Variants in MUC4 observed in about 807,000 individuals in gnomAD.
The protein encoded by MUC4 is mucin 4, cell surface associated.
MUC4 carries 202 observed loss-of-function variants against 257.9 expected under a neutral mutation model. The observed-to-expected ratio is 0.78, with a 90% CI of 0.70 to 0.88. The LOEUF is 0.88. MUC4 is among the 40% of genes least tolerant of loss of function. MUC4 has a pLI of 0.00. For synonymous variants in MUC4, 2,351 were observed against 2,757.1 expected (o/e 0.85, Z 4.62); for missense variants, 5,976 against 6,513.7 (o/e 0.92, Z 2.84).
chr3:195,763,705 C>G, intron 11 of MUC4, 64 bp from the exon 12 acceptor site: 1 of 1,399,334 alleles, frequency 7.1e-7, no homozygotes, highest in East Asian at 2.6e-5. Flanking sequence ...AGGTTCCTCA[C>G]TGCAGTCAGG....
At chr3:195,803,094 T>C (rs1296009703) in intron 1 of MUC4, among the ~76,000 whole-genome samples, 2 of 152,146 alleles carry the variant, frequency 1.3e-5, no homozygotes, top group Non-Finnish European at 2.9e-5. Flanking sequence ...GATCGAATTA[T>C]ATGTCTTCCT....
rs577495599 is a variant in MUC4, at chr3:195,784,944, G to A, written c.6636C>T (p.Thr2212=). The A allele has an allele frequency of 5.6e-4, 664 of 1,194,762 alleles. 18 individuals are homozygous for A. The African/African-American group carries it at 0.01, about 18-fold the overall frequency. 74.0% of individuals were successfully genotyped at this position (1,194,762 alleles called of 1,614,324 possible). The part of the protein sequence containing the change: ...STGQATPLPV[T]SPSSASTGHA... Reference sequence around the variant, plus strand: ...GACCTGTGGATGCTGAGGAAGGGCTGGTGACAGGAAGAGGGGTGGCCTGAC... The same window carrying A: ...GACCTGTGGATGCTGAGGAAGGGCTAGTGACAGGAAGAGGGGTGGCCTGAC... The change falls in exon 2 of 25, where the codon ACC becomes ACT. Residue 2212 remains threonine (T), a synonymous_variant. Transcript: ENST00000463781.
chr3:195,808,887 A>G (rs192383233), intron 1 of MUC4, among the ~76,000 whole-genome samples: 2 of 152,230 alleles, frequency 1.3e-5, no homozygotes, highest in East Asian at 3.9e-4. Flanking sequence ...AGACTGACAG[A>G]TAGACCGGGG....
At chr3:195,805,536 A>C (rs1482959064) in intron 1 of MUC4, among the ~76,000 whole-genome samples, 2 of 152,004 alleles carry the variant, frequency 1.3e-5, no homozygotes, top group South Asian at 4.1e-4. Context: ...GCCTCTCCAC[A>C]GTGGTTAGCC....
chr3:195,789,583 GTGGTGACTGTCT>G lies in MUC4; in HGVS notation c.1985_1996del (p.Lys662_Thr665del). On this transcript the variant is annotated inframe_deletion, in exon 2 of 25. Transcript: ENST00000463781. ...ACTGGCTGTGAAGGAAGAACCTGGGGTGGTGACTGTCTTGGTGTCAGTCATGGGGGAGACGGA... is the reference window on the plus strand; with the variant it reads ...ACTGGCTGTGAAGGAAGAACCTGGGGTGGTGTCAGTCATGGGGGAGACGGA... The G allele has an allele frequency of 6.2e-7, 1 of 1,613,970 alleles. No individual in the cohort carries two copies. Among genetic ancestry groups the G allele is most frequent in the South Asian group, 1.1e-5 (1 of 91,076 alleles).
intron 7 of MUC4, among the ~76,000 whole-genome samples, chr3:195,767,132 C>A (rs910757337): frequency 6.6e-6 from 1 of 152,024 alleles, no homozygotes. Context: ...TGGTTAAGAC[C>A]CAGTTTCTGG....
chr3:195,760,685 G>A (rs889503232), intron 16 of MUC4, among the ~76,000 whole-genome samples, 199 bp downstream of exon 16: 2 of 152,216 alleles, frequency 1.3e-5, no homozygotes, highest in Non-Finnish European at 2.9e-5. Flanking sequence ...AGAGCTCTGA[G>A]AAGCTGAACT....
intron 13 of MUC4, 72 bp downstream of exon 13, chr3:195,762,782 AC>A: frequency 7.2e-7 from 1 of 1,387,634 alleles, no homozygotes; most frequent in Non-Finnish European, 9.8e-7. Flanking sequence ...CCGGCCCTGC[AC>A]CGCAACGCGG....
intron 1 of MUC4, among the ~76,000 whole-genome samples, chr3:195,796,123 T>A (rs1734550967): frequency 6.6e-6 from 1 of 152,178 alleles, no homozygotes; most frequent in Non-Finnish European, 1.5e-5. Context: ...CTTGCTTTGT[T>A]GCCCAGGCTG....
rs760955655 is a variant in MUC4 at position 195,811,769 on chromosome 3, G to A, written c.49C>T (p.Leu17=). The A allele has an allele frequency of 1.2e-6, 2 of 1,614,018 alleles. No homozygotes were observed. Among genetic ancestry groups the A allele is most frequent in the South Asian group, 2.2e-5 (2 of 91,078 alleles). Residue 17 remains leucine (L), a synonymous_variant, in exon 1 of 25, where the codon CTG becomes TTG. Coordinates refer to ENST00000463781, the MANE Select transcript of MUC4 (RefSeq NM_018406.7). The part of the protein sequence containing the change: ...RRVPWVSLSC[L]CLCLLPHVVP... The stretch of plus-strand genomic sequence containing the variant: ...ACATGCGGAAGGAGGCAGAGACACA[G>A]GCAGCTCAGGGACACCCAGGGGACC...
intron 3 of MUC4, 120 bp downstream of exon 3, chr3:195,778,183 C>T (rs1408093299): frequency 7.6e-7 from 1 of 1,314,992 alleles, no homozygotes; most frequent in Non-Finnish European, 1.0e-6. Context: ...GATGCTGTGT[C>T]CCTGTCCTCG....
Position 195,748,991 on chromosome 3 carries a change from C to G in MUC4, c.15945G>C (p.Gln5315His), listed in dbSNP as rs751061604. The G allele has an allele frequency of 6.2e-7, 1 of 1,610,038 alleles. No individual in the cohort carries two copies. The highest frequency in any genetic ancestry group is 8.5e-7 in the Non-Finnish European group (1 of 1,178,062). The change falls in exon 24 of 25, where the codon CAG (glutamine) becomes CAC (histidine). Residue 5315 changes from glutamine to histidine, a missense_variant. Gln to His is a conservative substitution (Grantham distance 24). This residue lies in a region of MUC4 where 310 missense variants were observed against 242.1 expected (regional missense o/e 1.28). Coordinates refer to ENST00000463781, the MANE Select transcript of MUC4 (RefSeq NM_018406.7). ...ACGGGGACACGCAGGTGAAGCCGCTCTGGGGGCTGTAGACCAGGTCGTAGC... is the reference window on the plus strand; with the variant it reads ...ACGGGGACACGCAGGTGAAGCCGCTGTGGGGGCTGTAGACCAGGTCGTAGC... ...YKGYDLVYSPQSGFTCVSPCS... is the reference protein window; with the variant it reads ...YKGYDLVYSPHSGFTCVSPCS...
intron 9 of MUC4, 70 bp downstream of exon 9, chr3:195,765,200 G>C (rs1720169844): frequency 6.3e-7 from 1 of 1,586,194 alleles, no homozygotes; most frequent in African/African-American, 1.3e-5. Flanking sequence ...GGCTGTTTCT[G>C]GGGAGAGGCT....
chr3:195,809,172 T>C (rs1402657481), intron 1 of MUC4, among the ~76,000 whole-genome samples: 1 of 152,218 alleles, frequency 6.6e-6, no homozygotes, highest in Non-Finnish European at 1.5e-5. Context: ...TGCTGTGCCT[T>C]ATCCTTTAAC....
chr3:195,774,454 G>A (rs964865935), intron 3 of MUC4, 149 bp from the exon 4 acceptor site: 97 of 919,862 alleles, frequency 1.1e-4, no homozygotes, highest in Non-Finnish European at 9.0e-5. Context: ...GGTGCTTCTC[G>A]CTCCCTCTCC....
In MUC4 at chr3:195,785,203, G is replaced by C. The variant is rs779542251; in HGVS notation, c.6377C>G (p.Thr2126Ser). 6.5e-7 allele frequency: 1 copy of C among 1,548,954 alleles called. No homozygotes were observed. The highest frequency in any genetic ancestry group is 1.2e-5 in the South Asian group (1 of 84,010). ...AGGGCTGGTGACAGGAAGAGGGGTG[G>C]TGTCCCCTGTGGATAATGAGGAAGC... ...TDASSLSTGD[T>S]TPLPVTSPSS... Residue 2126 changes from threonine to serine, a missense_variant, in exon 2 of 25, where the codon ACC (threonine) becomes AGC (serine). Transcript: ENST00000463781.
At chr3:195,795,941 TAA>T (rs1329176900) in intron 1 of MUC4, among the ~76,000 whole-genome samples, 4 of 151,732 alleles carry the variant, frequency 2.6e-5, no homozygotes, top group African/African-American at 9.7e-5. Flanking sequence ...AAAAAAAATT[TAA>T]GAGACAGTGC....
chr3:195,774,408 C>G, intron 3 of MUC4, 103 bp from the exon 4 acceptor site: 1 of 1,372,526 alleles, frequency 7.3e-7, no homozygotes, highest in Non-Finnish European at 9.5e-7. Flanking sequence ...CACACCTGTC[C>G]TGTGTTCCCC....
At chr3:195,806,307 C>A (rs1207116655) in intron 1 of MUC4, among the ~76,000 whole-genome samples, 1 of 152,166 alleles carries the variant, frequency 6.6e-6, no homozygotes, top group African/African-American at 2.4e-5. Flanking sequence ...CAGCCTCAGG[C>A]CTCAGCTCCC....
Sources: gnomAD v4.1 joint callset for allele counts (sites outside exome capture counted in the v4.1 genomes callset) on GRCh38, gnomAD v4.1.1 for gene constraint, gnomAD v4.1.1 regional missense constraint, MANE v1.5 for transcripts, NCBI Gene and HGNC (gene_info 2026-07-23, HGNC 2026-07-21) for gene names.